Variants in URGCP observed in about 807,000 individuals in gnomAD.
The protein encoded by URGCP is upregulator of cell proliferation.
In URGCP, 13 loss-of-function variants were observed where a neutral mutation model predicts 24.6. The observed-to-expected ratio is 0.53, with a 90% CI of 0.34 to 0.84. The LOEUF (loss-of-function observed/expected upper bound fraction) is 0.84, where lower values mean the gene tolerates loss of function less well. Ranked by LOEUF, URGCP falls within the 40% of genes least tolerant of loss-of-function variation. The pLI, the probability that URGCP is intolerant of heterozygous loss-of-function variation, is 0.01. For synonymous variants in URGCP, 444 were observed against 487.2 expected, an observed-to-expected ratio of 0.91 and a Z score of 1.17; for missense variants, 899 against 1,194.3, an observed-to-expected ratio of 0.75 and a Z score of 3.64.
At chr7:43,891,292 C>T (rs1468292046) in intron 1 of URGCP, among the ~76,000 whole-genome samples, 1 of 152,214 alleles carries the variant, frequency 6.6e-6, no homozygotes, top group Non-Finnish European at 1.5e-5. Context: ...CATAGGAAAA[C>T]AATTCTGAAC....
intron 1 of URGCP, chr7:43,888,887 G>A (rs1377149399): frequency 6.6e-6 from 1 of 152,202 alleles, no homozygotes; most frequent in Non-Finnish European, 1.5e-5. Context: ...AAAAGAAACG[G>A]ACTCCTTGGA....
intron 1 of URGCP, among the ~76,000 whole-genome samples, chr7:43,896,601 T>A (rs1020938039): frequency 2.6e-5 from 4 of 152,210 alleles, no homozygotes; most frequent in Admixed American, 2.0e-4. Flanking sequence ...GTTAGTACTG[T>A]GTAAGTTTCC....
chr7:43,905,842 G>A (rs2095900954), intron 1 of URGCP: 1 of 152,136 alleles, frequency 6.6e-6, no homozygotes, highest in Non-Finnish European at 1.5e-5. Flanking sequence ...GAATTACTGA[G>A]GTTTTAGTTT....
upstream of URGCP, among the ~76,000 whole-genome samples, chr7:43,911,255 G>A (rs563492934): frequency 1.3e-5 from 2 of 151,018 alleles, no homozygotes; most frequent in African/African-American, 2.4e-5. Context: ...ACAAAAATTA[G>A]CTGGGTGTGG....
chr7:43,923,611 T>C (rs1247389871), intron 1 of URGCP, among the ~76,000 whole-genome samples: 1 of 152,108 alleles, frequency 6.6e-6, no homozygotes, highest in African/African-American at 2.4e-5. Flanking sequence ...ATGTGCTTAT[T>C]GTCCAGTTGA....
At chr7:43,892,983 C>T (rs1276763558) in intron 1 of URGCP, among the ~76,000 whole-genome samples, 6 of 151,810 alleles carry the variant, frequency 4.0e-5, no homozygotes, top group Non-Finnish European at 7.4e-5. Flanking sequence ...AAAGTAAAAC[C>T]GGACATTCCA....
At chr7:43,919,240 T>C (rs1241544577) in intron 1 of URGCP, 1 of 835,978 alleles carries the variant, frequency 1.2e-6, no homozygotes, top group Non-Finnish European at 2.1e-6. Flanking sequence ...AGCAACGTGG[T>C]GGTCCAGCTT....
chr7:43,887,569 T>G, intron 2 of URGCP, 84 bp from the exon 3 acceptor site: 7 of 1,538,304 alleles, frequency 4.6e-6, no homozygotes, highest in Non-Finnish European at 6.1e-6. Flanking sequence ...TAAAATCTCT[T>G]GGAGAGCTTT....
chr7:43,879,376 A>G lies in URGCP; in HGVS notation c.203-116T>C. 5 of 1,238,312 alleles carry G rather than the reference A, an allele frequency of 4.0e-6. No homozygotes were observed. The South Asian group carries it at 4.6e-5, about 11-fold the overall frequency. 76.7% of individuals were successfully genotyped at this position (1,238,312 alleles called of 1,614,324 possible). A position where few individuals can be genotyped will look rare whatever the true frequency, so the allele number is the denominator to read the frequency against. ...GGGAGAGTGACGACCCCCTTCAGAG[A>G]GCAGAGTGCAGGCACAGGAGGCTCA... is the stretch of plus-strand genomic sequence containing the variant. On this transcript the variant is annotated intron_variant, in intron 5 of 5. Transcript: ENST00000453200.
intron 1 of URGCP, among the ~76,000 whole-genome samples, chr7:43,918,237 G>A (rs1184246446): frequency 1.4e-5 from 2 of 142,024 alleles, no homozygotes; most frequent in African/African-American, 2.7e-5. Context: ...TCACACTGCT[G>A]CACTCCAGCC....
rs34553486 is a variant in URGCP, at chr7:43,892,219, A to ATTTTT, written c.15-4408_15-4404dup. Among the ~76,000 whole-genome samples the ATTTTT allele has an allele frequency of 4.0e-3, 500 of 125,354 alleles. 7 individuals carry two copies. The highest frequency in any genetic ancestry group is 0.015 in the African/African-American group (472 of 32,396). The allele number at this position is 125,354 out of a possible 152,430, so 82.2% of individuals were successfully genotyped here. A position where few individuals can be genotyped will look rare whatever the true frequency, so the allele number is the denominator to read the frequency against. On this transcript the variant is annotated intron_variant, in intron 1 of 5. Transcript: ENST00000453200. ...AGGTGTGAGCCACTGCGCCCAGCCA[A>ATTTTT]TTTTTTTTTTTTTTTTTTTTTTGAG...
At chr7:43,888,298 T>C (rs897508119) in intron 1 of URGCP, 5 of 152,646 alleles carry the variant, frequency 3.3e-5, no homozygotes, top group African/African-American at 1.2e-4. Flanking sequence ...GGTCAGGAGT[T>C]CGAGACTGGC....
chr7:43,910,360 C>T (rs369611685), upstream of URGCP, among the ~76,000 whole-genome samples: 21 of 149,746 alleles, frequency 1.4e-4, no homozygotes, highest in African/African-American at 4.4e-4. Flanking sequence ...GGACTACAGG[C>T]ATGTGCCACC....
intron 1 of URGCP, among the ~76,000 whole-genome samples, chr7:43,914,307 G>A (rs980124178): frequency 6.6e-6 from 1 of 152,220 alleles, no homozygotes; most frequent in South Asian, 2.1e-4. Flanking sequence ...CTTGAGATCA[G>A]CCTGGGAAAC....
At chr7:43,920,498 G>A (rs567753214) in intron 1 of URGCP, among the ~76,000 whole-genome samples, 12 of 152,208 alleles carry the variant, frequency 7.9e-5, no homozygotes, top group Non-Finnish European at 1.5e-4. Context: ...GGGAGGCGGA[G>A]GTTGCAGTGA....
At chr7:43,881,091 C>G (rs1041716300) in intron 5 of URGCP, 7 of 671,606 alleles carry the variant, frequency 1.0e-5, no homozygotes, top group African/African-American at 1.8e-5. Flanking sequence ...AGGTGTTACT[C>G]AGGTTTCCTA....
intron 1 of URGCP, among the ~76,000 whole-genome samples, chr7:43,925,173 C>T (rs1344735877): frequency 6.6e-6 from 1 of 152,142 alleles, no homozygotes; most frequent in East Asian, 1.9e-4. Flanking sequence ...ATATTTCAGA[C>T]AGTTCATGAA....
At chr7:43,926,700 G>T, upstream of URGCP, 3 of 893,684 alleles carry the variant, frequency 3.4e-6, no homozygotes, top group Non-Finnish European at 4.7e-6. Context: ...ACAGCCTCCC[G>T]CGCAGCCTGA....
intron 1 of URGCP, among the ~76,000 whole-genome samples, chr7:43,891,973 G>A (rs910981617): frequency 2.0e-4 from 30 of 152,212 alleles, no homozygotes; most frequent in African/African-American, 7.0e-4. Context: ...GTAGAGATGC[G>A]GTTTCACCAT....
Sources: gnomAD v4.1 joint callset for allele counts (sites outside exome capture counted in the v4.1 genomes callset) on GRCh38, gnomAD v4.1.1 for gene constraint, MANE v1.5 for transcripts, NCBI Gene and HGNC (gene_info 2026-07-23, HGNC 2026-07-21) for gene names.